The following MYLK variants were observed in gnomAD, a reference collection of about 807,000 sequenced individuals.
MYLK encodes myosin light chain kinase, smooth muscle.
MYLK carries 106 observed loss-of-function variants against 203.4 expected under a neutral mutation model. That is an observed-to-expected ratio of 0.52 (90% CI 0.45 to 0.61). The LOEUF is 0.61. MYLK is among the 20% of genes least tolerant of loss of function. The pLI is 0.00. For missense variants in MYLK, 2,072 were observed against 2,442.3 expected (o/e 0.85, Z 3.20); for synonymous variants, 867 against 959.5 (o/e 0.90, Z 1.78).
chr3:123,752,246 C>T, intron 5 of MYLK, 85 bp downstream of exon 5: 6 of 1,419,012 alleles, frequency 4.2e-6, no homozygotes, highest in Non-Finnish European at 6.0e-6. Context: ...CTCCATCCTT[C>T]AAGAGAGGGC....
intron 3 of MYLK, among the ~76,000 whole-genome samples, chr3:123,826,949 T>G (rs1486779383): frequency 6.6e-6 from 1 of 152,254 alleles, no homozygotes; most frequent in East Asian, 1.9e-4. Flanking sequence ...TTCATAAAAT[T>G]GGAAGAGGCA....
At chr3:123,713,072 G>A (rs2061758750) in intron 13 of MYLK, among the ~76,000 whole-genome samples, 1 of 152,200 alleles carries the variant, frequency 6.6e-6, no homozygotes, top group Non-Finnish European at 1.5e-5. Flanking sequence ...TTGAGGACAA[G>A]CTTTCATTGC....
At chr3:123,787,473 C>T (rs1012729377) in intron 4 of MYLK, among the ~76,000 whole-genome samples, 8 of 152,246 alleles carry the variant, frequency 5.3e-5, no homozygotes, top group East Asian at 1.9e-4. Flanking sequence ...ACTTCACCAC[C>T]GTGGTTCTCC....
chr3:123,852,800 G>T (rs2030964574), intron 2 of MYLK, among the ~76,000 whole-genome samples: 1 of 152,082 alleles, frequency 6.6e-6, no homozygotes. Flanking sequence ...CTAAAGTATG[G>T]CAAGACAAAG....
intron 1 of MYLK, among the ~76,000 whole-genome samples, chr3:123,878,557 C>G (rs2033302272): frequency 6.6e-6 from 1 of 152,200 alleles, no homozygotes; most frequent in Non-Finnish European, 1.5e-5. Flanking sequence ...TCTAGAGAAG[C>G]AGGTGGGCAG....
chr3:123,711,592 T>C (rs2061696879), intron 13 of MYLK, among the ~76,000 whole-genome samples: 1 of 152,220 alleles, frequency 6.6e-6, no homozygotes, highest in South Asian at 2.1e-4. Context: ...GGAACAATCC[T>C]GGTGCAGGAC....
At position 123,657,508 on chromosome 3, in the gene MYLK, G is replaced by T. The variant is rs1011323026; in HGVS notation, c.3986-80C>A. ...AAGTTTTTGAATTACCTGTGTCATG[G>T]GGGGAAGGCAGCCTAGAGAACCCAA... On this transcript the variant is annotated intron_variant, in intron 23 of 33. Transcript: ENST00000360304. The T allele has an allele frequency of 3.4e-6, 5 of 1,450,278 alleles. No homozygotes were observed. The African/African-American group carries it at 4.2e-5, about 12-fold the overall frequency. The allele number at this position is 1,450,278 out of a possible 1,614,324, so 89.8% of individuals were successfully genotyped here. A position where few individuals can be genotyped will look rare whatever the true frequency, so the allele number is the denominator to read the frequency against.
At chr3:123,674,926 G>A (rs754743919) in intron 20 of MYLK, among the ~76,000 whole-genome samples, 2 of 152,198 alleles carry the variant, frequency 1.3e-5, no homozygotes, top group Non-Finnish European at 2.9e-5. Context: ...GACACACCAC[G>A]GCAAGCTTCT....
At chr3:123,661,897 T>G (rs1005016621) in intron 23 of MYLK, among the ~76,000 whole-genome samples, 1 of 152,176 alleles carries the variant, frequency 6.6e-6, no homozygotes, top group Admixed American at 6.5e-5. Context: ...GTGTGGAACC[T>G]GTGGTCTGTT....
At chr3:123,793,530 A>C (rs1438779132) in intron 4 of MYLK, 147 bp downstream of exon 4, 2 of 849,254 alleles carry the variant, frequency 2.4e-6, no homozygotes, top group African/African-American at 3.4e-5. Context: ...AAGAAAGAGA[A>C]AAGTGGCACA....
chr3:123,868,743 T>G (rs1479019388), intron 2 of MYLK, among the ~76,000 whole-genome samples: 1 of 152,208 alleles, frequency 6.6e-6, no homozygotes, highest in Non-Finnish European at 1.5e-5. Flanking sequence ...TGACAAAGAT[T>G]AAATGCAAAA....
At chr3:123,663,297 T>A (rs1194951560) in intron 23 of MYLK, among the ~76,000 whole-genome samples, 1 of 152,110 alleles carries the variant, frequency 6.6e-6, no homozygotes, top group Non-Finnish European at 1.5e-5. Context: ...CACTCAATCC[T>A]GGGATGAAGG....
chr3:123,618,835 A>G lies in MYLK; in HGVS notation c.5369-65T>C, dbSNP rs999276198. 3.1e-6 allele frequency: 5 copies of G among 1,604,586 alleles called. No homozygotes were observed. In the Middle Eastern group the frequency reaches 5.0e-4, roughly 159 times the overall value. On this transcript the variant is annotated intron_variant, in intron 32 of 33. Coordinates refer to ENST00000360304, the MANE Select transcript of MYLK (RefSeq NM_053025.4). ...GTTGTTCTCGCCTCGCCTCTAGCTT[A>G]AAGAAACTAACTTTTAAAAAAGTTG... is the stretch of plus-strand genomic sequence containing the variant.
At chr3:123,664,369 G>T (rs1012384689) in intron 22 of MYLK, 111 bp from the exon 23 acceptor site, 40 of 1,472,346 alleles carry the variant, frequency 2.7e-5, no homozygotes, top group South Asian at 8.0e-5. Flanking sequence ...GACAAGCTGT[G>T]GGGGGGCTCA....
intron 3 of MYLK, among the ~76,000 whole-genome samples, chr3:123,809,282 T>C (rs890028548): frequency 2.0e-5 from 3 of 152,118 alleles, no homozygotes; most frequent in African/African-American, 7.2e-5. Context: ...CCCAGCACTT[T>C]GGGAGGCCAA....
intron 31 of MYLK, chr3:123,621,868 T>C (rs1397751863): frequency 6.6e-6 from 1 of 152,334 alleles, no homozygotes; most frequent in Non-Finnish European, 1.5e-5. Flanking sequence ...GTGGAGGTGA[T>C]GAGGAGGGGA....
At chr3:123,614,401 T>C in intron 33 of MYLK, 52 bp from the exon 34 acceptor site, 4 of 1,611,716 alleles carry the variant, frequency 2.5e-6, no homozygotes, top group Non-Finnish European at 3.4e-6. Flanking sequence ...TCAAAATTTC[T>C]TATCAACTCA....
intron 2 of MYLK, among the ~76,000 whole-genome samples, chr3:123,841,937 T>G (rs2066601557): frequency 6.6e-6 from 1 of 152,220 alleles, no homozygotes; most frequent in Admixed American, 6.5e-5. Flanking sequence ...TCTGGTATAC[T>G]GTTGTGGTAG....
intron 3 of MYLK, 22 bp from the exon 4 acceptor site, chr3:123,793,866 A>G (rs1296240263): frequency 6.2e-7 from 1 of 1,613,960 alleles, no homozygotes. Context: ...AAGGAAGAGG[A>G]CAAGGTCAGA....
Sources: allele counts gnomAD v4.1 joint callset (sites outside exome capture counted in the v4.1 genomes callset), GRCh38; gene constraint gnomAD v4.1.1; transcripts MANE v1.5; gene names NCBI Gene and HGNC (gene_info 2026-07-23, HGNC 2026-07-21).